Variants in PAN3 observed in about 807,000 individuals in gnomAD.
PAN3 encodes the protein poly(A) specific ribonuclease subunit PAN3, also known as PAN2-PAN3 deadenylation complex subunit PAN3.
In PAN3, 19 loss-of-function variants were observed where a neutral mutation model predicts 96.2. That is an observed-to-expected ratio of 0.20 (90% CI 0.14 to 0.29). The LOEUF (loss-of-function observed/expected upper bound fraction) is 0.29. PAN3 is among the 10% of genes least tolerant of loss of function. PAN3 has a pLI of 1.00. For missense variants in PAN3, 882 were observed against 1,108.1 expected (o/e 0.80, Z 2.90); for synonymous variants, 433 against 406.6 (o/e 1.06, Z -0.78).
intron 6 of PAN3, among the ~76,000 whole-genome samples, chr13:28,241,630 G>A (rs980625422): frequency 2.7e-5 from 4 of 149,764 alleles, no homozygotes; most frequent in Admixed American, 1.3e-4. Flanking sequence ...TCAAAGAAGA[G>A]ACTTTATTAA....
At position 28,260,479 on chromosome 13, in the gene PAN3, T is replaced by G. The variant is rs749200028; in HGVS notation, c.1281T>G (p.Thr427=). The G allele has an allele frequency of 1.5e-5, 25 of 1,613,334 alleles. No individual in the cohort carries two copies. The highest frequency in any genetic ancestry group is 2.1e-5 in the Non-Finnish European group (25 of 1,179,472). The part of the protein sequence containing the change: ...VFPNYHIYPP[T]APHVAYMQPK... The stretch of plus-strand genomic sequence containing the variant: ...CAAACTATCATATTTATCCTCCAAC[T>G]GCACCTCACGTTGCTTATATGCAAC... Residue 427 remains threonine, a synonymous_variant, in exon 8 of 19, where the codon ACT becomes ACG. Transcript: ENST00000380958.
intron 6 of PAN3, among the ~76,000 whole-genome samples, chr13:28,223,200 T>G (rs1046801462): frequency 1.3e-5 from 2 of 152,218 alleles, no homozygotes; most frequent in African/African-American, 2.4e-5. Context: ...AATAAAACTT[T>G]ATACAAATAT....
intron 6 of PAN3, among the ~76,000 whole-genome samples, chr13:28,230,623 T>C (rs1276803907): frequency 1.3e-5 from 2 of 152,222 alleles, no homozygotes; most frequent in African/African-American, 2.4e-5. Flanking sequence ...GAGGCACTTA[T>C]TGATTCAACC....
intron 1 of PAN3, among the ~76,000 whole-genome samples, chr13:28,173,207 T>A (rs1013127149): frequency 1.3e-4 from 20 of 152,242 alleles, no homozygotes; most frequent in African/African-American, 4.6e-4. Flanking sequence ...GGGAGTAGGC[T>A]GTGACTGCTG....
chr13:28,288,048 C>T lies in PAN3; in HGVS notation c.2449C>T (p.His817Tyr), dbSNP rs1327406031. 6.2e-7 allele frequency: 1 copy of T among 1,613,558 alleles called. No individual in the cohort carries two copies. The highest frequency in any genetic ancestry group is 1.3e-5 in the African/African-American group (1 of 75,008). ...DRYLLKLFRD[H>Y]LFHQVTEAGA... is the part of the protein sequence containing the mutation. ...TTATCTGTTGAAACTCTTTAGGGAT[C>T]ATCTTTTTCATCAGGTGACAGAAGC... Residue 817 changes from histidine to tyrosine, a missense_variant, in exon 18 of 19, where the codon CAT becomes TAT. Coordinates refer to ENST00000380958, the MANE Select transcript of PAN3 (RefSeq NM_175854.8).
Position 28,138,941 on chromosome 13 carries a change from T to C in PAN3, c.284T>C (p.Val95Ala). The change falls in exon 1 of 19, where the codon GTG becomes GCG. Residue 95 changes from valine (V) to alanine (A), a missense_variant. Physicochemically the swap from Val to Ala is moderately conservative, Grantham distance 64. Around this residue, in one of 3 missense-constraint regions of PAN3, gnomAD observed 442 missense variants for 422.8 expected, o/e 1.05. Transcript: ENST00000380958. ...SVPLALAGAP[V>A]AGFPPGAVAG... ...CCCCTGGCTCTGGCTGGTGCACCCG[T>C]GGCCGGCTTTCCGCCGGGAGCCGTC... is the stretch of plus-strand genomic sequence containing the variant. 1 of 1,330,864 alleles carries C rather than the reference T, an allele frequency of 7.5e-7. No individual in the cohort carries two copies. Among genetic ancestry groups the C allele is most frequent in the Non-Finnish European group, 9.6e-7 (1 of 1,042,266 alleles). The allele number at this position is 1,330,864 out of a possible 1,614,324, so 82.4% of individuals were successfully genotyped here.
chr13:28,138,606 T>C lies in PAN3; in HGVS notation c.-52T>C, dbSNP rs111938639. 0.22 allele frequency: 103,724 copies of C among 470,202 alleles called. 16,282 individuals carry two copies. The highest frequency in any genetic ancestry group is 0.59 in the African/African-American group (28,318 of 48,180). The allele number at this position is 470,202 out of a possible 1,614,324, so 29.1% of individuals were successfully genotyped here. On this transcript the variant is annotated 5_prime_UTR_variant, in exon 1 of 19. Transcript: ENST00000380958. ...TCCTTTCCTCCCCCGTCTATGGTGGTGGCGGCGGCGGCTCCTCGGGCGGCG... is the reference window on the plus strand; with the variant it reads ...TCCTTTCCTCCCCCGTCTATGGTGGCGGCGGCGGCGGCTCCTCGGGCGGCG...
chr13:28,143,460 T>G (rs1870152820), intron 1 of PAN3, among the ~76,000 whole-genome samples: 1 of 152,232 alleles, frequency 6.6e-6, no homozygotes, highest in Non-Finnish European at 1.5e-5. Flanking sequence ...TTATGTACAT[T>G]ATTTGAAACC....
At chr13:28,202,849 A>G (rs1878901451) in intron 5 of PAN3, among the ~76,000 whole-genome samples, 1 of 152,192 alleles carries the variant, frequency 6.6e-6, no homozygotes, top group African/African-American at 2.4e-5. Flanking sequence ...TTGGTGAAAA[A>G]GTAATTGCGG....
chr13:28,191,257 C>T (rs978598745), intron 4 of PAN3, among the ~76,000 whole-genome samples: 2 of 152,178 alleles, frequency 1.3e-5, no homozygotes. Flanking sequence ...TTAGCACCTG[C>T]TTCCAGTTAA....
chr13:28,144,198 G>C (rs1443915931), intron 1 of PAN3, among the ~76,000 whole-genome samples: 1 of 146,444 alleles, frequency 6.8e-6, no homozygotes, highest in Non-Finnish European at 1.5e-5. Flanking sequence ...ACTTGGTTTC[G>C]ATAAGTTTTT....
chr13:28,238,644 G>C (rs1490055166), intron 6 of PAN3, among the ~76,000 whole-genome samples: 1 of 152,084 alleles, frequency 6.6e-6, no homozygotes, highest in African/African-American at 2.4e-5. Context: ...TTAATGAAAA[G>C]TTGTATTGGC....
chr13:28,248,712 G>A (rs1295287795), intron 6 of PAN3, among the ~76,000 whole-genome samples: 1 of 152,084 alleles, frequency 6.6e-6, no homozygotes. Flanking sequence ...TAGTAGAGAT[G>A]GGGTTTCACC....
At chr13:28,167,107 A>T (rs1221428474) in intron 1 of PAN3, among the ~76,000 whole-genome samples, 24 of 121,036 alleles carry the variant, frequency 2.0e-4, no homozygotes, top group Non-Finnish European at 2.1e-4. Context: ...TTTTTTTTAG[A>T]GATGAGGCCT....
intron 9 of PAN3, among the ~76,000 whole-genome samples, chr13:28,266,344 T>TA (rs1886175084): frequency 1.3e-5 from 2 of 152,192 alleles, no homozygotes; most frequent in Admixed American, 6.5e-5. Context: ...TTTGAAGCAT[T>TA]AAAAAATACA....
intron 4 of PAN3, among the ~76,000 whole-genome samples, chr13:28,191,967 G>C (rs962707571): frequency 6.6e-6 from 1 of 151,802 alleles, no homozygotes; most frequent in Non-Finnish European, 1.5e-5. Context: ...CTTGAAGTCG[G>C]CTCAAACAGT....
At chr13:28,229,037 A>G (rs1444708451) in intron 6 of PAN3, among the ~76,000 whole-genome samples, 1 of 152,170 alleles carries the variant, frequency 6.6e-6, no homozygotes, top group Non-Finnish European at 1.5e-5. Flanking sequence ...AAGGAAGGGG[A>G]AGAGCATGAA....
chr13:28,258,091 T>TATCC, intron 7 of PAN3, among the ~76,000 whole-genome samples: 1 of 152,218 alleles, frequency 6.6e-6, no homozygotes, highest in South Asian at 2.1e-4. Context: ...GTGCCGGGAT[T>TATCC]ACAGGCGTGA....
Position 28,138,921 on chromosome 13 carries a change from G to A in PAN3, c.264G>A (p.Leu88=), listed in dbSNP as rs1869180233. 2.2e-6 allele frequency: 3 copies of A among 1,364,332 alleles called. No homozygotes were observed. Among genetic ancestry groups the A allele is most frequent in the African/African-American group, 3.0e-5 (2 of 66,304 alleles). The allele number at this position is 1,364,332 out of a possible 1,614,324, so 84.5% of individuals were successfully genotyped here. Reference sequence around the variant, plus strand: ...GCCTCCATAGCAACAGCGTCCCCCTGGCTCTGGCTGGTGCACCCGTGGCCG... The same window carrying A: ...GCCTCCATAGCAACAGCGTCCCCCTAGCTCTGGCTGGTGCACCCGTGGCCG... ...GLGLHSNSVP[L]ALAGAPVAGF... Residue 88 remains leucine, a synonymous_variant, in exon 1 of 19, where the codon CTG becomes CTA. Coordinates refer to ENST00000380958, the MANE Select transcript of PAN3 (RefSeq NM_175854.8).
Sources: allele counts gnomAD v4.1 joint callset (sites outside exome capture counted in the v4.1 genomes callset), GRCh38; gene constraint gnomAD v4.1.1; regional missense constraint gnomAD v4.1.1; transcripts MANE v1.5; gene names NCBI Gene and HGNC (gene_info 2026-07-23, HGNC 2026-07-21).